Variants in NADK2 observed in about 807,000 individuals in gnomAD.
NADK2 encodes NAD kinase domain-containing protein 1, mitochondrial.
NADK2 carries 35 observed loss-of-function variants against 62.1 expected under a neutral mutation model. The observed-to-expected ratio is 0.56, with a 90% confidence interval of 0.43 to 0.75. NADK2 has a LOEUF of 0.75. NADK2 is among the 30% of genes least tolerant of loss of function. The pLI, the probability that NADK2 is intolerant of heterozygous loss-of-function variation, is 0.00. For missense variants in NADK2, 439 were observed against 561.3 expected, an observed-to-expected ratio of 0.78 and a Z score of 2.20; for synonymous variants, 205 against 207.9, an observed-to-expected ratio of 0.99 and a Z score of 0.12.
intron 1 of NADK2, among the ~76,000 whole-genome samples, chr5:36,230,159 T>A (rs1747653166): frequency 6.6e-6 from 1 of 152,086 alleles, no homozygotes; most frequent in South Asian, 2.1e-4. Flanking sequence ...TGGCACTTTC[T>A]TCCTACCAAC....
At chr5:36,224,211 T>C (rs1421825521) in intron 4 of NADK2, among the ~76,000 whole-genome samples, 2 of 152,054 alleles carry the variant, frequency 1.3e-5, no homozygotes, top group African/African-American at 4.8e-5. Flanking sequence ...GATCTTTTTT[T>C]CCCCAGATGA....
intron 1 of NADK2, among the ~76,000 whole-genome samples, chr5:36,239,219 C>T (rs763300442): frequency 6.6e-6 from 1 of 152,170 alleles, no homozygotes; most frequent in Non-Finnish European, 1.5e-5. Context: ...AGCAATATAA[C>T]AAATAATACT....
chr5:36,238,848 G>A (rs1748003747), intron 1 of NADK2, among the ~76,000 whole-genome samples: 1 of 152,128 alleles, frequency 6.6e-6, no homozygotes, highest in Non-Finnish European at 1.5e-5. Flanking sequence ...GTAAATAAAA[G>A]TCAAAACTTT....
chr5:36,196,092 A>C (rs983306234), intron 11 of NADK2, among the ~76,000 whole-genome samples: 1 of 152,130 alleles, frequency 6.6e-6, no homozygotes. Context: ...TTGGGAGTAG[A>C]GCTGCTATGA....
At chr5:36,218,125 CTTAAA>C (rs1187447924) in intron 5 of NADK2, 11 of 361,624 alleles carry the variant, frequency 3.0e-5, no homozygotes, top group Non-Finnish European at 5.1e-5. Flanking sequence ...TCCCAAGTAA[CTTAAA>C]TTAAGTCAAA....
intron 1 of NADK2, among the ~76,000 whole-genome samples, chr5:36,239,196 T>G (rs529613379): frequency 1.9e-4 from 29 of 152,350 alleles, no homozygotes; most frequent in African/African-American, 7.0e-4. Context: ...CATAACTTAG[T>G]ATTTTCTACC....
chr5:36,231,393 T>C (rs1747704541), intron 1 of NADK2, among the ~76,000 whole-genome samples: 3 of 152,380 alleles, frequency 2.0e-5, no homozygotes, highest in African/African-American at 7.2e-5. Flanking sequence ...CATAAATTCT[T>C]ATTCCCACTC....
At chr5:36,239,230 TATC>T (rs1748019092) in intron 1 of NADK2, among the ~76,000 whole-genome samples, 1 of 152,224 alleles carries the variant, frequency 6.6e-6, no homozygotes, top group African/African-American at 2.4e-5. Flanking sequence ...AAATAATACT[TATC>T]ATCTTATCAC....
chr5:36,230,561 A>G (rs899374335), intron 1 of NADK2, among the ~76,000 whole-genome samples: 2 of 152,256 alleles, frequency 1.3e-5, no homozygotes, highest in African/African-American at 4.8e-5. Context: ...CTCAGGGCCT[A>G]AGTACTAGCT....
intron 8 of NADK2, among the ~76,000 whole-genome samples, chr5:36,201,579 C>T (rs1474725521): frequency 1.3e-5 from 2 of 151,442 alleles, no homozygotes; most frequent in East Asian, 1.9e-4. Flanking sequence ...AAAAATAATA[C>T]AAATATATGT....
intron 11 of NADK2, among the ~76,000 whole-genome samples, chr5:36,196,100 T>C (rs188096838): frequency 6.6e-6 from 1 of 152,314 alleles, no homozygotes; most frequent in East Asian, 1.9e-4. Context: ...AGAGCTGCTA[T>C]GAATATTCTT....
intron 8 of NADK2, among the ~76,000 whole-genome samples, chr5:36,204,747 A>C (rs1371800787): frequency 6.6e-6 from 1 of 152,030 alleles, no homozygotes; most frequent in African/African-American, 2.4e-5. Context: ...CTATTTGGCT[A>C]AGTTTTTTTA....
At chr5:36,232,997 C>G (rs1747760576) in intron 1 of NADK2, among the ~76,000 whole-genome samples, 1 of 152,188 alleles carries the variant, frequency 6.6e-6, no homozygotes, top group Non-Finnish European at 1.5e-5. Context: ...TATCAGTTAA[C>G]AATAGCATCA....
intron 5 of NADK2, among the ~76,000 whole-genome samples, chr5:36,219,214 GTGTT>G (rs956349647): frequency 4.6e-5 from 7 of 152,004 alleles, no homozygotes; most frequent in African/African-American, 1.4e-4. Context: ...GGTTTTTTGT[GTGTT>G]TGTTTGTTTT....
At chr5:36,202,981 CTAAT>C (rs1318718697) in intron 8 of NADK2, among the ~76,000 whole-genome samples, 1 of 151,992 alleles carries the variant, frequency 6.6e-6, no homozygotes, top group African/African-American at 2.4e-5. Context: ...AAAGCAAAGA[CTAAT>C]TAAAGAATTC....
intron 1 of NADK2, among the ~76,000 whole-genome samples, chr5:36,230,713 T>C (rs1176516556): frequency 6.6e-6 from 1 of 151,962 alleles, no homozygotes; most frequent in Non-Finnish European, 1.5e-5. Context: ...GATTAGTTAC[T>C]ATAGTATATT....
At chr5:36,227,709 T>A (rs1041482433) in intron 1 of NADK2, 144 bp from the exon 2 acceptor site, 20 of 411,106 alleles carry the variant, frequency 4.9e-5, no homozygotes, top group African/African-American at 3.9e-4. Context: ...CAAGTACAAA[T>A]TGAACTAGAA....
At chr5:36,226,748 T>C (rs1379786299) in intron 2 of NADK2, among the ~76,000 whole-genome samples, 185 bp from the exon 3 acceptor site, 1 of 152,182 alleles carries the variant, frequency 6.6e-6, no homozygotes, top group African/African-American at 2.4e-5. Flanking sequence ...CAATTAACTA[T>C]GATAATTAAG....
intron 7 of NADK2, 32 bp downstream of exon 7, chr5:36,211,812 T>C (rs201247175): frequency 1.3e-6 from 2 of 1,560,342 alleles, no homozygotes; most frequent in South Asian, 1.1e-5. Flanking sequence ...AAACATTAAA[T>C]TCCATGCTCA....
Sources: allele counts gnomAD v4.1 joint callset (sites outside exome capture counted in the v4.1 genomes callset), GRCh38; gene constraint gnomAD v4.1.1; transcripts MANE v1.5; gene names NCBI Gene and HGNC (gene_info 2026-07-23, HGNC 2026-07-21).